The following DAB1 variants were observed in gnomAD, a reference collection of about 807,000 sequenced individuals.
DAB1 encodes DAB adaptor protein 1.
A neutral mutation model predicts 64.6 loss-of-function variants in DAB1; 15 were observed. That is an observed-to-expected ratio of 0.23 (90% CI 0.16 to 0.36). The LOEUF (loss-of-function observed/expected upper bound fraction) is 0.36, where lower values mean the gene tolerates loss of function less well. Ranked by LOEUF, DAB1 falls within the 10% of genes least tolerant of loss-of-function variation. The pLI is 1.00. For missense variants in DAB1, 596 were observed against 706.7 expected, an observed-to-expected ratio of 0.84 and a Z score of 1.78; for synonymous variants, 235 against 251.9, an observed-to-expected ratio of 0.93 and a Z score of 0.64.
At chr1:57,679,474 A>G (rs1336561394) in intron 6 of DAB1, among the ~76,000 whole-genome samples, 1 of 152,240 alleles carries the variant, frequency 6.6e-6, no homozygotes, top group Non-Finnish European at 1.5e-5. Context: ...AGCCACTCTG[A>G]GAGCATCGTT....
chr1:57,037,530 G>A (rs1647210829), intron 9 of DAB1, among the ~76,000 whole-genome samples: 1 of 152,214 alleles, frequency 6.6e-6, no homozygotes, highest in Admixed American at 6.5e-5. Flanking sequence ...TATCCATTTA[G>A]AAGGCTCAAG....
chr1:57,153,266 T>A (rs1659870295), intron 2 of DAB1, among the ~76,000 whole-genome samples: 1 of 152,208 alleles, frequency 6.6e-6, no homozygotes. Context: ...CTTCAAGTGA[T>A]CTGCCTGCCT....
intron 2 of DAB1, among the ~76,000 whole-genome samples, chr1:57,244,194 A>ACTAT (rs1181687651): frequency 6.6e-6 from 1 of 152,146 alleles, no homozygotes; most frequent in African/African-American, 2.4e-5. Context: ...AAAGCCTTAC[A>ACTAT]CTATCTCCAT....
intron 6 of DAB1, among the ~76,000 whole-genome samples, chr1:57,711,200 C>T (rs145486877): frequency 5.3e-5 from 8 of 152,278 alleles, no homozygotes; most frequent in Admixed American, 1.3e-4. Context: ...TGTCAAAGGC[C>T]TATTATCATT....
chr1:58,054,837 G>C (rs1225078096), intron 5 of DAB1, among the ~76,000 whole-genome samples: 1 of 152,186 alleles, frequency 6.6e-6, no homozygotes, highest in African/African-American at 2.4e-5. Context: ...ACGAGGCCTT[G>C]GAGTTGGAGG....
intron 5 of DAB1, among the ~76,000 whole-genome samples, chr1:58,138,525 G>T (rs1160081114): frequency 2.0e-5 from 3 of 152,186 alleles, no homozygotes; most frequent in Admixed American, 1.3e-4. Context: ...GCCAGGCTCA[G>T]AAAACAATGA....
chr1:57,418,083 G>A (rs1684626114), intron 1 of DAB1, among the ~76,000 whole-genome samples: 1 of 152,126 alleles, frequency 6.6e-6, no homozygotes, highest in Non-Finnish European at 1.5e-5. Flanking sequence ...TCCCTAGATG[G>A]CAAACTGTGC....
At chr1:57,471,203 A>AAT (rs1213154330) in intron 7 of DAB1, among the ~76,000 whole-genome samples, 4 of 152,204 alleles carry the variant, frequency 2.6e-5, no homozygotes, top group Non-Finnish European at 5.9e-5. Flanking sequence ...AAGATAGCCT[A>AAT]ATATTACCTG....
chr1:57,597,535 C>G (rs1414027297), intron 7 of DAB1, among the ~76,000 whole-genome samples: 1 of 152,162 alleles, frequency 6.6e-6, no homozygotes, highest in Non-Finnish European at 1.5e-5. Flanking sequence ...TTCTCTGGGC[C>G]CACAAGGCTA....
At chr1:57,440,097 C>T (rs1290119433) in intron 7 of DAB1, among the ~76,000 whole-genome samples, 1 of 152,098 alleles carries the variant, frequency 6.6e-6, no homozygotes, top group Non-Finnish European at 1.5e-5. Context: ...CTTTTTCTTG[C>T]CTATTCTCAT....
At chr1:57,804,809 A>C (rs976256996) in intron 6 of DAB1, among the ~76,000 whole-genome samples, 2 of 152,238 alleles carry the variant, frequency 1.3e-5, no homozygotes, top group African/African-American at 4.8e-5. Context: ...CATGATAATC[A>C]TAACAATTCT....
At chr1:58,197,703 C>T (rs1240515422) in intron 4 of DAB1, among the ~76,000 whole-genome samples, 2 of 139,972 alleles carry the variant, frequency 1.4e-5, no homozygotes, top group African/African-American at 2.6e-5. Context: ...GAGAGTTACA[C>T]TTTTTTTTTT....
chr1:57,547,111 G>T (rs1644864512), intron 7 of DAB1, among the ~76,000 whole-genome samples: 1 of 152,000 alleles, frequency 6.6e-6, no homozygotes, highest in Non-Finnish European at 1.5e-5. Context: ...ACGAAAGAAG[G>T]CAAGGGGGAG....
At chr1:57,134,339 C>G (rs979923527) in intron 4 of DAB1, among the ~76,000 whole-genome samples, 1 of 152,012 alleles carries the variant, frequency 6.6e-6, no homozygotes, top group African/African-American at 2.4e-5. Context: ...AATCCCAGCA[C>G]TTTTGGAGGC....
rs115538037 is a variant in DAB1, at chr1:57,145,506, C to T, written c.68-77G>A. 1.0e-4 allele frequency: 152 copies of T among 1,486,142 alleles called. No individual in the cohort carries two copies. The African/African-American group carries it at 1.9e-3, about 19-fold the overall frequency. 92.1% of individuals were successfully genotyped at this position (1,486,142 alleles called of 1,614,324 possible). A position where few individuals can be genotyped will look rare whatever the true frequency, so the allele number is the denominator to read the frequency against. On this transcript the variant is annotated intron_variant, in intron 2 of 14. Transcript: ENST00000371236. ...CTTTGAGTATCCACAATTCCAAGATCCGCTGTCTGGTTTCATCTACATTCC... is the reference window on the plus strand; with the variant it reads ...CTTTGAGTATCCACAATTCCAAGATTCGCTGTCTGGTTTCATCTACATTCC...
chr1:57,952,693 T>C (rs1645304179), intron 5 of DAB1, among the ~76,000 whole-genome samples: 1 of 152,080 alleles, frequency 6.6e-6, no homozygotes, highest in Non-Finnish European at 1.5e-5. Context: ...AAGCATGGAA[T>C]AAAATGAAAG....
At chr1:58,122,700 T>G (rs146543032) in intron 5 of DAB1, among the ~76,000 whole-genome samples, 2 of 152,288 alleles carry the variant, frequency 1.3e-5, no homozygotes, top group African/African-American at 4.8e-5. Flanking sequence ...CACTAGGTGA[T>G]CTTGAAAAAG....
At chr1:57,870,744 C>G (rs550319938) in intron 1 of DAB1, among the ~76,000 whole-genome samples, 14 of 152,204 alleles carry the variant, frequency 9.2e-5, no homozygotes, top group Admixed American at 3.3e-4. Flanking sequence ...ACAAAATTTA[C>G]TATAATCTGG....
chr1:58,215,408 T>TGG (rs1557698878), intron 4 of DAB1, among the ~76,000 whole-genome samples: 1 of 151,422 alleles, frequency 6.6e-6, no homozygotes, highest in Non-Finnish European at 1.5e-5. Context: ...AGTGTTTTTT[T>TGG]TTTTTTTTTT....
Sources: allele counts gnomAD v4.1 joint callset (sites outside exome capture counted in the v4.1 genomes callset), GRCh38; gene constraint gnomAD v4.1.1; transcripts MANE v1.5; gene names NCBI Gene and HGNC (gene_info 2026-07-23, HGNC 2026-07-21).